Variants in HDAC4 observed in about 807,000 individuals in gnomAD.
The protein encoded by HDAC4 is histone deacetylase 4.
A neutral mutation model predicts 135.1 loss-of-function variants in HDAC4; 16 were observed. That is an observed-to-expected ratio of 0.12 (90% CI 0.08 to 0.18). The LOEUF is 0.18. Among genes scored for constraint, HDAC4 ranks in the 10% least tolerant of loss-of-function variants. HDAC4 has a pLI of 1.00. For synonymous variants in HDAC4, 685 were observed against 653.4 expected (o/e 1.05, Z -0.74); for missense variants, 1,143 against 1,511.8 (o/e 0.76, Z 4.05).
intron 1 of HDAC4, among the ~76,000 whole-genome samples, chr2:239,386,958 G>A (rs553442420): frequency 7.2e-5 from 11 of 152,358 alleles, no homozygotes; most frequent in African/African-American, 2.6e-4. Context: ...GGCTGTTCTG[G>A]GTTCACCAGG....
chr2:239,260,054 G>C (rs2125078439), intron 2 of HDAC4, among the ~76,000 whole-genome samples: 1 of 152,362 alleles, frequency 6.6e-6, no homozygotes, highest in South Asian at 2.1e-4. Context: ...CCAACGCTGT[G>C]ATTGATTTCC....
intron 24 of HDAC4, among the ~76,000 whole-genome samples, chr2:239,064,415 G>A (rs1031892048): frequency 6.6e-6 from 1 of 152,170 alleles, no homozygotes; most frequent in Non-Finnish European, 1.5e-5. Flanking sequence ...TGACTGGAGT[G>A]CCCCTGGCTG....
At chr2:239,270,379 G>A (rs920800556) in intron 2 of HDAC4, among the ~76,000 whole-genome samples, 7 of 152,212 alleles carry the variant, frequency 4.6e-5, no homozygotes, top group African/African-American at 1.2e-4. Flanking sequence ...CTGGAAAGGA[G>A]AAAGAGCAGA....
At chr2:239,154,215 T>G (rs567876181) in intron 7 of HDAC4, among the ~76,000 whole-genome samples, 2 of 152,046 alleles carry the variant, frequency 1.3e-5, no homozygotes, top group South Asian at 4.2e-4. Context: ...GGAAGGCACG[T>G]CCCCACATGA....
intron 8 of HDAC4, among the ~76,000 whole-genome samples, chr2:239,143,115 G>A (rs1285152408): frequency 6.6e-6 from 1 of 152,200 alleles, no homozygotes; most frequent in Non-Finnish European, 1.5e-5. Context: ...CTCCTTCCAG[G>A]GAAGGACTCT....
intron 16 of HDAC4, among the ~76,000 whole-genome samples, chr2:239,098,766 C>T (rs985123319): frequency 1.3e-5 from 2 of 152,220 alleles, no homozygotes; most frequent in African/African-American, 4.8e-5. Flanking sequence ...TCACAAAACT[C>T]AAGATAATCA....
At chr2:239,227,003 A>G (rs371627370) in intron 3 of HDAC4, among the ~76,000 whole-genome samples, 4 of 152,370 alleles carry the variant, frequency 2.6e-5, no homozygotes, top group African/African-American at 9.6e-5. Flanking sequence ...ACACACACAC[A>G]GGAGATGAGA....
intron 2 of HDAC4, among the ~76,000 whole-genome samples, chr2:239,289,627 G>A (rs1016684180): frequency 2.0e-5 from 3 of 152,292 alleles, no homozygotes; most frequent in African/African-American, 4.8e-5. Context: ...ACACATCACA[G>A]GGCAGGAGCA....
At chr2:239,264,454 G>T (rs537888129) in intron 2 of HDAC4, among the ~76,000 whole-genome samples, 1 of 152,258 alleles carries the variant, frequency 6.6e-6, no homozygotes, top group South Asian at 2.1e-4. Flanking sequence ...CATGAAGGTC[G>T]CTGGGCAGAT....
chr2:239,192,435 A>G (rs1375162812), intron 3 of HDAC4, among the ~76,000 whole-genome samples: 1 of 152,212 alleles, frequency 6.6e-6, no homozygotes, highest in Non-Finnish European at 1.5e-5. Flanking sequence ...ATCAGCGTTC[A>G]CCTACATTTG....
chr2:239,242,598 T>C (rs2048252537), intron 2 of HDAC4, among the ~76,000 whole-genome samples: 1 of 152,206 alleles, frequency 6.6e-6, no homozygotes, highest in Non-Finnish European at 1.5e-5. Flanking sequence ...ATAATGACAG[T>C]TGTTTCCACC....
At chr2:239,185,674 C>T (rs1342711055) in intron 4 of HDAC4, among the ~76,000 whole-genome samples, 1 of 152,124 alleles carries the variant, frequency 6.6e-6, no homozygotes, top group East Asian at 1.9e-4. Context: ...TCCTTGGACC[C>T]TCTCTGGGTA....
chr2:239,111,502 G>C (rs1407306272), intron 14 of HDAC4, 24 bp downstream of exon 14: 1 of 1,605,678 alleles, frequency 6.2e-7, no homozygotes, highest in Non-Finnish European at 8.5e-7. Flanking sequence ...TGCACCCTCA[G>C]GCTGCACAAA....
At chr2:239,220,918 C>T (rs950538883) in intron 3 of HDAC4, among the ~76,000 whole-genome samples, 1 of 152,204 alleles carries the variant, frequency 6.6e-6, no homozygotes, top group Non-Finnish European at 1.5e-5. Context: ...ACTGGTTCCA[C>T]CTTCTGTAGC....
intron 2 of HDAC4, among the ~76,000 whole-genome samples, chr2:239,258,356 C>A (rs909008522): frequency 4.6e-5 from 7 of 151,652 alleles, no homozygotes; most frequent in African/African-American, 1.7e-4. Flanking sequence ...CAAGAACTAC[C>A]CCAAATGGCT....
intron 2 of HDAC4, among the ~76,000 whole-genome samples, chr2:239,272,557 T>A (rs59184523): frequency 1.3e-5 from 2 of 152,162 alleles, no homozygotes; most frequent in Non-Finnish European, 2.9e-5. Context: ...TGTGAAAAGA[T>A]GACTGTCATC....
intron 4 of HDAC4, 137 bp from the exon 5 acceptor site, chr2:239,176,700 C>T (rs2043800206): frequency 4.2e-6 from 3 of 710,234 alleles, no homozygotes; most frequent in East Asian, 5.4e-5. Flanking sequence ...CTGCCCTGCA[C>T]TGCTGCTATT....
At chr2:239,255,914 A>G (rs1381489136) in intron 2 of HDAC4, among the ~76,000 whole-genome samples, 1 of 152,248 alleles carries the variant, frequency 6.6e-6, no homozygotes, top group African/African-American at 2.4e-5. Context: ...TCTTTGTGAG[A>G]AATAATCAGC....
intron 24 of HDAC4, among the ~76,000 whole-genome samples, chr2:239,056,370 C>T (rs2031845822): frequency 1.3e-5 from 2 of 152,188 alleles, no homozygotes; most frequent in Admixed American, 1.3e-4. Flanking sequence ...ATACAAGACA[C>T]GAGAGCCTGG....
Sources: allele counts gnomAD v4.1 joint callset (sites outside exome capture counted in the v4.1 genomes callset), GRCh38; gene constraint gnomAD v4.1.1; transcripts MANE v1.5; gene names NCBI Gene and HGNC (gene_info 2026-07-23, HGNC 2026-07-21).